Variants in PDCL3 observed in about 807,000 individuals in gnomAD.
The protein encoded by PDCL3 is phosducin like 3.
PDCL3 carries 22 observed loss-of-function variants against 26.5 expected under a neutral mutation model. That is an observed-to-expected ratio of 0.83 (90% CI 0.59 to 1.19). The LOEUF is 1.19. Ranked by LOEUF, PDCL3 falls within the 50% of genes most tolerant of loss-of-function variation. PDCL3 has a pLI of 0.00. For synonymous variants in PDCL3, 81 were observed against 104.9 expected (o/e 0.77, Z 1.39); for missense variants, 246 against 294.1 (o/e 0.84, Z 1.20).
chr2:100,574,200 C>T (rs528721943), intron 5 of PDCL3, among the ~76,000 whole-genome samples: 1 of 152,172 alleles, frequency 6.6e-6, no homozygotes, highest in African/African-American at 2.4e-5. Context: ...GACGGTTTCA[C>T]CGTGTTGCCT....
At chr2:100,567,669 G>C (rs1173763616) in intron 2 of PDCL3, among the ~76,000 whole-genome samples, 1 of 152,110 alleles carries the variant, frequency 6.6e-6, no homozygotes, top group Non-Finnish European at 1.5e-5. Flanking sequence ...TATGGGCCCT[G>C]GCATGGCTGG....
At chr2:100,566,766 G>A in intron 2 of PDCL3, 137 bp downstream of exon 2, 3 of 1,288,584 alleles carry the variant, frequency 2.3e-6, no homozygotes, top group South Asian at 1.5e-5. Context: ...AAAACACAGG[G>A]CGTCTCTCAC....
At chr2:100,574,380 A>G (rs1270672415) in intron 5 of PDCL3, among the ~76,000 whole-genome samples, 2 of 151,414 alleles carry the variant, frequency 1.3e-5, no homozygotes, top group African/African-American at 4.9e-5. Context: ...TTGAATTTAT[A>G]TAACATTCAA....
rs528653639 is a variant in PDCL3 at position 100,573,825 on chromosome 2, C to A, written c.577+2027C>A. On this transcript the variant is annotated intron_variant, in intron 5 of 5. Coordinates refer to ENST00000264254, the MANE Select transcript of PDCL3 (RefSeq NM_024065.5). Reference sequence around the variant, plus strand: ...ATACATGTTTGCATCTTATTTTGACCTTTTTTGAATGTACCATGAGGGGAG... The same window carrying A: ...ATACATGTTTGCATCTTATTTTGACATTTTTTGAATGTACCATGAGGGGAG... Among the ~76,000 whole-genome samples, 6 of 151,778 alleles carry A rather than the reference C, an allele frequency of 4.0e-5. No individual in the cohort carries two copies. The South Asian group carries it at 1.2e-3, about 32-fold the overall frequency.
At chr2:100,563,235 G>A in intron 1 of PDCL3, 162 bp downstream of exon 1, 1 of 865,526 alleles carries the variant, frequency 1.2e-6, no homozygotes. Context: ...GCGGGAGGCG[G>A]GCGTGGTCCC....
rs763606937 is a variant in PDCL3, at chr2:100,576,473, G to A, written c.697G>A (p.Asp233Asn). Residue 233 changes from aspartate (D) to asparagine (N), a missense_variant, in exon 6 of 6, where the codon GAC (aspartate) becomes AAC (asparagine). Transcript: ENST00000264254. ...SVRRSVLMKRDSDSEGD is the reference protein window; with the variant it reads ...SVRRSVLMKRNSDSEGD Reference sequence around the variant, plus strand: ...GCGGCGCTCTGTCCTCATGAAGAGGGACAGCGATTCCGAGGGTGACTGAGG... The same window carrying A: ...GCGGCGCTCTGTCCTCATGAAGAGGAACAGCGATTCCGAGGGTGACTGAGG... The A allele has an allele frequency of 1.9e-6, 3 of 1,608,372 alleles. No individual in the cohort carries two copies. The highest frequency in any genetic ancestry group is 2.7e-5 in the African/African-American group (2 of 74,580).
At chr2:100,571,198 G>A (rs1286695634) in intron 4 of PDCL3, among the ~76,000 whole-genome samples, 3 of 151,284 alleles carry the variant, frequency 2.0e-5, no homozygotes, top group African/African-American at 7.3e-5. Flanking sequence ...ACAGGCGCCT[G>A]CCACTGCACC....
chr2:100,568,818 A>G (rs1675105945), intron 2 of PDCL3, 113 bp from the exon 3 acceptor site: 2 of 809,160 alleles, frequency 2.5e-6, no homozygotes, highest in African/African-American at 3.4e-5. Context: ...TAGGTAGGCT[A>G]AGGATCTGGT....
chr2:100,565,807 A>T (rs1675049354), intron 1 of PDCL3, among the ~76,000 whole-genome samples: 1 of 152,220 alleles, frequency 6.6e-6, no homozygotes, highest in African/African-American at 2.4e-5. Context: ...TCTGTAACAC[A>T]GGTGACTCTC....
chr2:100,565,893 C>A (rs1198324889), intron 1 of PDCL3, among the ~76,000 whole-genome samples: 16 of 152,072 alleles, frequency 1.1e-4, no homozygotes. Flanking sequence ...TTGAATGAAT[C>A]ACTCAGTCAT....
At chr2:100,571,911 C>CCTGTGTATGAGTGA (rs138885839) in intron 5 of PDCL3, 113 bp downstream of exon 5, 399,049 of 911,988 alleles carry the variant, frequency 0.44, 105,648 homozygotes, top group East Asian at 0.98. Context: ...TTCACTTCTG[C>CCTGTGTATGAGTGA]CTGTGTATGA....
intron 1 of PDCL3, 78 bp from the exon 2 acceptor site, chr2:100,566,425 C>T: frequency 6.6e-7 from 1 of 1,515,048 alleles, no homozygotes; most frequent in Non-Finnish European, 9.0e-7. Flanking sequence ...GTCACTTTTC[C>T]CATTTGGCCC....
intron 5 of PDCL3, among the ~76,000 whole-genome samples, chr2:100,575,787 T>C (rs1435504620): frequency 6.6e-6 from 1 of 152,226 alleles, no homozygotes; most frequent in East Asian, 1.9e-4. Context: ...AAGAGTTTAT[T>C]AAAATTGGAT....
chr2:100,567,666 C>G (rs890625099), intron 2 of PDCL3, among the ~76,000 whole-genome samples: 23 of 151,976 alleles, frequency 1.5e-4, no homozygotes, highest in Non-Finnish European at 1.0e-4. Flanking sequence ...AAATATGGGC[C>G]CTGGCATGGC....
In PDCL3 at chr2:100,571,432, A is replaced by G. The variant is rs546359249; in HGVS notation, c.369-158A>G. Among the ~76,000 whole-genome samples the G allele has an allele frequency of 5.3e-5, 8 of 152,200 alleles. No individual in the cohort carries two copies. The East Asian group carries it at 1.5e-3, about 29-fold the overall frequency. On this transcript the variant is annotated intron_variant, in intron 4 of 5. Transcript: ENST00000264254. ...TCCATTTAGCCTGGGTGAAAACAAG[A>G]CCCTATGTCAAAAAAAACATGTTAA...
Position 100,576,503 on chromosome 2 carries a change from AG to A in PDCL3, c.*8del, listed in dbSNP as rs773950560. On this transcript the variant is annotated 3_prime_UTR_variant, in exon 6 of 6. Transcript: ENST00000264254. ...CGATTCCGAGGGTGACTGAGGCTAC[AG>A]CTTCTATCACATGCCGAACTTTCTT... 1 of 1,571,070 alleles carries A rather than the reference AG, an allele frequency of 6.4e-7. No homozygotes were observed. The highest frequency in any genetic ancestry group is 8.6e-7 in the Non-Finnish European group (1 of 1,157,236).
Position 100,576,525 on chromosome 2 carries a change from T to A in PDCL3, c.*29T>A, listed in dbSNP as rs1422019658. The stretch of plus-strand genomic sequence containing the variant: ...TACAGCTTCTATCACATGCCGAACT[T>A]TCTTGTGACAAATTGTCTGGATTTT... On this transcript the variant is annotated 3_prime_UTR_variant, in exon 6 of 6. Coordinates refer to ENST00000264254, the MANE Select transcript of PDCL3 (RefSeq NM_024065.5). 1 of 1,520,244 alleles carries A rather than the reference T, an allele frequency of 6.6e-7. No individual in the cohort carries two copies. The allele number at this position is 1,520,244 out of a possible 1,614,324, so 94.2% of individuals were successfully genotyped here.
rs1675006201 is a variant in PDCL3, at chr2:100,563,900, C to G, written c.6+827C>G. Among the ~76,000 whole-genome samples, 3 of 146,122 alleles carry G rather than the reference C, an allele frequency of 2.1e-5. No homozygotes were observed. The South Asian group carries it at 6.8e-4, about 33-fold the overall frequency. On this transcript the variant is annotated intron_variant, in intron 1 of 5. Transcript: ENST00000264254. ...GGGCTGGAGGGGAGGGCGTGTCTGC[C>G]AGGAGCCAGACACTGTTTTTTTTTT...
intron 5 of PDCL3, 125 bp from the exon 6 acceptor site, chr2:100,576,229 A>T: frequency 9.2e-7 from 1 of 1,083,904 alleles, no homozygotes; most frequent in South Asian, 1.6e-5. Context: ...GGCGTGAGCC[A>T]TTGTGCTGGG....
Sources: gnomAD v4.1 joint callset for allele counts (sites outside exome capture counted in the v4.1 genomes callset) on GRCh38, gnomAD v4.1.1 for gene constraint, MANE v1.5 for transcripts, NCBI Gene and HGNC (gene_info 2026-07-23, HGNC 2026-07-21) for gene names.